The following CFAP74 variants were observed in gnomAD, a reference collection of about 807,000 sequenced individuals.
CFAP74 encodes the protein cilia and flagella associated protein 74, also known as cilia- and flagella-associated protein 74.
CFAP74 carries 124 observed loss-of-function variants against 188.9 expected under a neutral mutation model. That is an observed-to-expected ratio of 0.66 (90% CI 0.57 to 0.76). The LOEUF (loss-of-function observed/expected upper bound fraction) is 0.76, where lower values mean the gene tolerates loss of function less well. CFAP74 is among the 30% of genes least tolerant of loss of function. CFAP74 has a pLI of 0.00. For synonymous variants in CFAP74, 956 were observed against 916.7 expected (o/e 1.04, Z -0.77); for missense variants, 2,198 against 2,165.2 (o/e 1.02, Z -0.30).
At chr1:1,931,347 G>GT (rs1249938224) in intron 25 of CFAP74, among the ~76,000 whole-genome samples, 5 of 150,054 alleles carry the variant, frequency 3.3e-5, no homozygotes, top group Admixed American at 6.7e-5. Context: ...GGAGAATGGC[G>GT]TGAATCCTGG....
chr1:1,945,240 G>A (rs927793736), intron 20 of CFAP74, among the ~76,000 whole-genome samples: 2 of 152,172 alleles, frequency 1.3e-5, no homozygotes, highest in African/African-American at 4.8e-5. Flanking sequence ...CCGGGAGGCA[G>A]AGGTTGCAGT....
At chr1:1,939,366 G>A (rs1315083423) in intron 24 of CFAP74, among the ~76,000 whole-genome samples, 3 of 152,248 alleles carry the variant, frequency 2.0e-5, no homozygotes, top group African/African-American at 7.2e-5. Context: ...AGAGCGGGGA[G>A]AGGGATCTGG....
At chr1:1,930,956 C>T (rs1476598870) in intron 25 of CFAP74, among the ~76,000 whole-genome samples, 1 of 152,178 alleles carries the variant, frequency 6.6e-6, no homozygotes, top group African/African-American at 2.4e-5. Flanking sequence ...ATATTTTCCT[C>T]AAATGCCTAT....
Position 1,939,631 on chromosome 1 carries a change from AG to A in CFAP74, c.2839del (p.Leu947SerfsTer36). Reference protein sequence around the residue: ...RTEISLHNHSLLPQEFGFVRL... With the variant: ...RTEISLHNHSXLPQEFGFVRL... ...GACGAACCCGAACTCCTGGGGCAGG[AG>A]CGAGTGGTTGTGGAGGCTGATTTCC... is the stretch of plus-strand genomic sequence containing the variant. On this transcript the variant is annotated frameshift_variant, in exon 24 of 39. Coordinates refer to ENST00000682832, the MANE Select transcript of CFAP74 (RefSeq NM_001304360.2). LOFTEE classifies it high-confidence loss of function. 6.5e-7 allele frequency: 1 copy of A among 1,536,026 alleles called. No individual in the cohort carries two copies. Among genetic ancestry groups the A allele is most frequent in the Non-Finnish European group, 8.7e-7 (1 of 1,146,850 alleles).
intron 13 of CFAP74, 52 bp from the exon 14 acceptor site, chr1:1,963,919 G>C (rs757308691): frequency 1.6e-5 from 19 of 1,202,560 alleles, no homozygotes; most frequent in Non-Finnish European, 2.1e-5. Flanking sequence ...GGGCTGTGCT[G>C]TGAGCACCGA....
In CFAP74 at chr1:1,923,524, T is replaced by C. The variant is rs1651563804; in HGVS notation, c.4390-25A>G. On this transcript the variant is annotated intron_variant, in intron 35 of 38. Coordinates refer to ENST00000682832, the MANE Select transcript of CFAP74 (RefSeq NM_001304360.2). This position sits in a 1 kb window ranked among gnomAD's most constrained non-coding sequence, Gnocchi z 6.3. ...TCTGGGGACAAGAAGTGGAGTGGCC[T>C]TGTCCCCGAAGCTCGGCGGCAGGGG... The C allele has an allele frequency of 6.3e-7, 1 of 1,597,752 alleles. No homozygotes were observed. Among genetic ancestry groups the C allele is most frequent in the South Asian group, 1.1e-5 (1 of 90,380 alleles).
intron 9 of CFAP74, among the ~76,000 whole-genome samples, chr1:1,971,192 C>T (rs1201251816): frequency 2.0e-5 from 3 of 151,364 alleles, no homozygotes; most frequent in Admixed American, 6.6e-5. Context: ...CGTGCACAGA[C>T]GTGCTTACAT....
intron 14 of CFAP74, among the ~76,000 whole-genome samples, chr1:1,963,080 C>T (rs1655202961): frequency 6.6e-6 from 1 of 152,188 alleles, no homozygotes; most frequent in South Asian, 2.1e-4. Context: ...AGACAGCTTT[C>T]ACCTTGACAC....
At chr1:1,939,851 TG>T in intron 23 of CFAP74, 84 bp from the exon 24 acceptor site, 2 of 1,317,734 alleles carry the variant, frequency 1.5e-6, no homozygotes, top group Non-Finnish European at 2.1e-6. Flanking sequence ...CAACCACTGC[TG>T]CTGCCTTGTG....
At chr1:1,927,256 G>A in intron 28 of CFAP74, 1 of 605,188 alleles carries the variant, frequency 1.7e-6, no homozygotes. Context: ...AGGGGTTGGG[G>A]CAGGTGCCTT....
At chr1:1,992,009 C>T (rs1376995328) in intron 1 of CFAP74, among the ~76,000 whole-genome samples, 1 of 148,272 alleles carries the variant, frequency 6.7e-6, no homozygotes, top group African/African-American at 2.6e-5. Flanking sequence ...CACTGCACTC[C>T]AGCCTGGGTG....
At chr1:1,970,913 A>T in intron 9 of CFAP74, 97 bp from the exon 10 acceptor site, 1 of 1,278,100 alleles carries the variant, frequency 7.8e-7, no homozygotes, top group Admixed American at 1.9e-5. Context: ...TCATACATGC[A>T]CACGTGCACA....
At position 1,963,829 on chromosome 1, in the gene CFAP74, CGTGATCT is replaced by C; in HGVS notation, c.1607_1613del (p.Lys536SerfsTer3). The C allele has an allele frequency of 6.2e-7, 1 of 1,613,834 alleles. No individual in the cohort carries two copies. The highest frequency in any genetic ancestry group is 1.3e-5 in the African/African-American group (1 of 75,016). ...TGATCGTGTAGGTGGTGTTTACCAA[CGTGATCT>C]TTTTCTTGTACACTTTGCCAATATC... On this transcript the variant is annotated frameshift_variant, in exon 14 of 39. Transcript: ENST00000682832. LOFTEE classifies it high-confidence loss of function.
intron 1 of CFAP74, among the ~76,000 whole-genome samples, chr1:1,995,781 A>G (rs143646187): frequency 0.019 from 2,873 of 147,472 alleles, 81 homozygotes; most frequent in African/African-American, 0.068. Context: ...GGTGGCGGGC[A>G]CCTGTAGTCC....
intron 20 of CFAP74, 92 bp downstream of exon 20, chr1:1,946,225 A>G: frequency 7.0e-7 from 1 of 1,436,938 alleles, no homozygotes; most frequent in South Asian, 1.4e-5. Flanking sequence ...TGCGTGGGCA[A>G]ATGGCGACCT....
In CFAP74 at chr1:1,986,347, C is replaced by A. The variant is rs571078684; in HGVS notation, c.395+590G>T. 1.2e-4 allele frequency among the ~76,000 whole-genome samples: 18 copies of A among 152,302 alleles called. No homozygotes were observed. The East Asian group carries it at 3.5e-3, about 29-fold the overall frequency. Reference sequence around the variant, plus strand: ...GGTTGCAGTGGCCCGAAGCCCCTCACCCCCCAGGGCCGGGAGGACCTGCTG... The same window carrying A: ...GGTTGCAGTGGCCCGAAGCCCCTCAACCCCCAGGGCCGGGAGGACCTGCTG... On this transcript the variant is annotated intron_variant, in intron 5 of 38. Transcript: ENST00000682832.
chr1:1,950,164 G>A (rs1198707476), intron 18 of CFAP74, among the ~76,000 whole-genome samples: 1 of 152,030 alleles, frequency 6.6e-6, no homozygotes, highest in Non-Finnish European at 1.5e-5. Flanking sequence ...TAAACTTGTT[G>A]TTCTTTGTTT....
At chr1:1,943,339 C>T (rs1205352310) in intron 21 of CFAP74, among the ~76,000 whole-genome samples, 3 of 152,232 alleles carry the variant, frequency 2.0e-5, no homozygotes, top group Non-Finnish European at 4.4e-5. Context: ...GCTCCCGGGT[C>T]ACCGCAGGCT....
At chr1:1,955,221 G>A (rs914286644) in intron 18 of CFAP74, 1 of 1,289,726 alleles carries the variant, frequency 7.8e-7, no homozygotes, top group South Asian at 1.2e-5. Flanking sequence ...ATCAAGAGAA[G>A]CAAGGAGGAG....
Sources: allele counts gnomAD v4.1 joint callset (sites outside exome capture counted in the v4.1 genomes callset), GRCh38; gene constraint gnomAD v4.1.1; non-coding constraint Gnocchi (gnomAD v3.1); transcripts MANE v1.5; gene names NCBI Gene and HGNC (gene_info 2026-07-23, HGNC 2026-07-21).